Variants in ATRX observed in about 807,000 individuals in gnomAD.
ATRX encodes ATRX chromatin remodeler, also known as chromatin remodeler ATRX.
ATRX carries 12 observed loss-of-function variants against 172.6 expected under a neutral mutation model. That is an observed-to-expected ratio of 0.07 (90% confidence interval 0.04 to 0.11). ATRX has a LOEUF of 0.11. Ranked by LOEUF, ATRX falls within the 10% of genes least tolerant of loss-of-function variation. The pLI is 1.00. For synonymous variants in ATRX, 674 were observed against 594.7 expected (o/e 1.13, Z -1.94); for missense variants, 1,368 against 1,767.4 (o/e 0.77, Z 4.05).
At chrX:77,689,533 C>G (rs781784257) in intron 6 of ATRX, among the ~76,000 whole-genome samples, 1 of 112,285 alleles carries the variant, frequency 8.9e-6, no homozygotes, top group South Asian at 3.7e-4. Flanking sequence ...TCTACTATTT[C>G]CAAATAAAGA....
chrX:77,555,322 G>C (rs1473928481), intron 30 of ATRX, among the ~76,000 whole-genome samples: 1 of 111,763 alleles, frequency 8.9e-6, no homozygotes, highest in Non-Finnish European at 1.9e-5. Context: ...TCTAGAACCA[G>C]AAATACCATT....
At chrX:77,756,399 A>AG (rs1489040382) in intron 1 of ATRX, among the ~76,000 whole-genome samples, 1 of 107,448 alleles carries the variant, frequency 9.3e-6, no homozygotes, top group African/African-American at 3.4e-5. Context: ...GGGTATGAAG[A>AG]GGGGGAAAAA....
At chrX:77,574,470 T>C (rs2065536647) in intron 27 of ATRX, 112 bp from the exon 28 acceptor site, 1 of 533,034 alleles carries the variant, frequency 1.9e-6, no homozygotes, top group African/African-American at 2.3e-5. Context: ...ATATATTCTA[T>C]TTGTATAGCA....
intron 30 of ATRX, among the ~76,000 whole-genome samples, chrX:77,536,502 G>T (rs781956103): frequency 9.0e-6 from 1 of 111,729 alleles, no homozygotes; most frequent in South Asian, 3.8e-4. Flanking sequence ...AGACTTACAT[G>T]TATGAATCAG....
intron 6 of ATRX, among the ~76,000 whole-genome samples, chrX:77,689,657 T>C (rs2071778495): frequency 8.9e-6 from 1 of 112,257 alleles, no homozygotes; most frequent in Admixed American, 9.4e-5. Flanking sequence ...GAAGAAAACC[T>C]ACAGAAACCT....
At chrX:77,654,312 GA>G (rs45439398) in intron 13 of ATRX, 112 bp from the exon 14 acceptor site, 6,827 of 578,432 alleles carry the variant, frequency 0.012, 45 homozygotes, top group Non-Finnish European at 0.016. Context: ...AAAACAAACA[GA>G]AAAAAAATCA....
intron 12 of ATRX, among the ~76,000 whole-genome samples, chrX:77,658,455 C>T (rs1302084018): frequency 8.9e-6 from 1 of 111,854 alleles, no homozygotes; most frequent in African/African-American, 3.3e-5. Context: ...CATTATAACT[C>T]GATGCAATGT....
chrX:77,764,986 G>A (rs782698288), intron 1 of ATRX, among the ~76,000 whole-genome samples: 4 of 111,177 alleles, frequency 3.6e-5, no homozygotes, highest in East Asian at 5.6e-4. Context: ...GACCAGCCTC[G>A]CCGACATGGT....
intron 1 of ATRX, among the ~76,000 whole-genome samples, chrX:77,728,764 CT>C (rs200509557): frequency 2.9e-4 from 27 of 94,025 alleles, no homozygotes; most frequent in South Asian, 4.9e-4. Context: ...CTTTTCTTTT[CT>C]TTTTTTTTTT....
At chrX:77,529,170 C>T (rs1229868870) in intron 30 of ATRX, among the ~76,000 whole-genome samples, 2 of 111,585 alleles carry the variant, frequency 1.8e-5, no homozygotes, top group African/African-American at 6.5e-5. Flanking sequence ...GAGACCAAAC[C>T]TACGACTGAC....
intron 28 of ATRX, among the ~76,000 whole-genome samples, chrX:77,566,739 C>G (rs1321446787): frequency 9.0e-6 from 1 of 110,832 alleles, no homozygotes; most frequent in African/African-American, 3.3e-5. Context: ...GGTGACAGAG[C>G]AAGACCCTGC....
chrX:77,712,616 G>C (rs1391870267), intron 2 of ATRX, among the ~76,000 whole-genome samples: 1 of 110,109 alleles, frequency 9.1e-6, no homozygotes, highest in Non-Finnish European at 1.9e-5. Context: ...CCTAAGGTCA[G>C]GAGTTCCAGA....
intron 30 of ATRX, among the ~76,000 whole-genome samples, chrX:77,551,411 C>T (rs112211044): frequency 6.3e-5 from 7 of 111,802 alleles, no homozygotes. Context: ...AACTGGCTAG[C>T]CATATGTAGA....
At chrX:77,764,069 A>G (rs2075821341) in intron 1 of ATRX, among the ~76,000 whole-genome samples, 1 of 111,216 alleles carries the variant, frequency 9.0e-6, no homozygotes, top group Admixed American at 9.6e-5. Context: ...ATCCAAGATC[A>G]TGCCACTGTA....
At chrX:77,629,387 G>A (rs1172286653) in intron 19 of ATRX, among the ~76,000 whole-genome samples, 1 of 111,894 alleles carries the variant, frequency 8.9e-6, no homozygotes, top group Non-Finnish European at 1.9e-5. Context: ...TTTAGACTTA[G>A]GTGGCAAAGA....
At chrX:77,616,804 T>A in intron 21 of ATRX, 74 bp from the exon 22 acceptor site, 1 of 726,660 alleles carries the variant, frequency 1.4e-6, no homozygotes, top group Non-Finnish European at 2.2e-6. Flanking sequence ...TCTCATTGCT[T>A]ATAACTGAAA....
intron 28 of ATRX, among the ~76,000 whole-genome samples, chrX:77,564,214 C>A (rs1557063417): frequency 9.0e-6 from 1 of 111,395 alleles, no homozygotes; most frequent in African/African-American, 3.3e-5. Context: ...AACTATCACA[C>A]CTTTGGTGAA....
At chrX:77,760,979 TTAAG>T (rs2075696409) in intron 1 of ATRX, among the ~76,000 whole-genome samples, 1 of 111,826 alleles carries the variant, frequency 8.9e-6, no homozygotes, top group African/African-American at 3.2e-5. Flanking sequence ...GTTCAAAAAA[TTAAG>T]TAAGGATAAA....
At chrX:77,687,688 G>T (rs989068449) in intron 7 of ATRX, among the ~76,000 whole-genome samples, 1 of 111,913 alleles carries the variant, frequency 8.9e-6, no homozygotes, top group Non-Finnish European at 1.9e-5. Flanking sequence ...ACATACCCTA[G>T]ATAGGCCCCT....
Sources: allele counts gnomAD v4.1 joint callset (sites outside exome capture counted in the v4.1 genomes callset), GRCh38; gene constraint gnomAD v4.1.1; transcripts MANE v1.5; gene names NCBI Gene and HGNC (gene_info 2026-07-23, HGNC 2026-07-21).